NOL4: variants seen among roughly 807,000 people sequenced by gnomAD.
NOL4 encodes the protein cancer/testis antigen 125.
Under a neutral mutation model 75.9 loss-of-function variants are expected in NOL4, and 17 were observed. That is an observed-to-expected ratio of 0.22 (90% CI 0.15 to 0.34). NOL4 has a LOEUF of 0.34. Among genes scored for constraint, NOL4 ranks in the 10% least tolerant of loss-of-function variants. The pLI is 1.00. For missense variants in NOL4, 614 were observed against 793.5 expected, an observed-to-expected ratio of 0.77 and a Z score of 2.72; for synonymous variants, 292 against 289.9, an observed-to-expected ratio of 1.01 and a Z score of -0.07.
In NOL4 at chr18:34,067,596, A is replaced by G. The variant is rs187211127; in HGVS notation, c.772+25869T>C. On this transcript the variant is annotated intron_variant, in intron 5 of 10. Transcript: ENST00000261592. ...AGAAAAGTGTTCAGATTTTAGGTAC[A>G]TTATGAAGGCAGAAGGAACAAACAT... is the stretch of plus-strand genomic sequence containing the variant. 3.0e-3 allele frequency among the ~76,000 whole-genome samples: 461 copies of G among 152,306 alleles called. 3 individuals carry two copies. Among genetic ancestry groups the G allele is most frequent in the Non-Finnish European group, 3.9e-3 (266 of 68,014 alleles).
intron 5 of NOL4, among the ~76,000 whole-genome samples, chr18:34,030,173 CTATTA>C (rs1312461461): frequency 2.0e-5 from 3 of 152,016 alleles, no homozygotes; most frequent in African/African-American, 7.3e-5. Context: ...GGAGCAATGC[CTATTA>C]TATTTGATAT....
At chr18:33,860,227 G>A (rs1319214096) in intron 10 of NOL4, among the ~76,000 whole-genome samples, 1 of 152,008 alleles carries the variant, frequency 6.6e-6, no homozygotes, top group Non-Finnish European at 1.5e-5. Flanking sequence ...GGGGATAATG[G>A]GAATTACAAT....
At chr18:33,911,644 CT>C (rs1279141963) in intron 9 of NOL4, among the ~76,000 whole-genome samples, 2 of 151,938 alleles carry the variant, frequency 1.3e-5, no homozygotes, top group African/African-American at 4.8e-5. Flanking sequence ...TTATATTTTG[CT>C]TTAAAATTTC....
intron 1 of NOL4, among the ~76,000 whole-genome samples, chr18:34,209,070 G>A (rs547862926): frequency 6.6e-6 from 1 of 151,050 alleles, no homozygotes; most frequent in Non-Finnish European, 1.5e-5. Flanking sequence ...AATTAGCTGG[G>A]CGTGATGGTG....
At chr18:33,966,047 A>T (rs999072457) in intron 6 of NOL4, among the ~76,000 whole-genome samples, 1 of 152,136 alleles carries the variant, frequency 6.6e-6, no homozygotes, top group African/African-American at 2.4e-5. Context: ...TTGATTTTAT[A>T]TCCCCTCTGT....
intron 9 of NOL4, among the ~76,000 whole-genome samples, chr18:33,920,646 GGTCCAATCA>G (rs2066982985): frequency 6.6e-6 from 1 of 152,110 alleles, no homozygotes; most frequent in Non-Finnish European, 1.5e-5. Flanking sequence ...GTGATTTATG[GGTCCAATCA>G]ACCATTTTAG....
At chr18:34,177,506 T>C (rs1038235195) in intron 1 of NOL4, among the ~76,000 whole-genome samples, 6 of 151,946 alleles carry the variant, frequency 3.9e-5, no homozygotes, top group Admixed American at 2.6e-4. Flanking sequence ...TGGTTTAGCA[T>C]GAAAACTGAG....
At chr18:34,017,217 C>T (rs2074747593) in intron 6 of NOL4, among the ~76,000 whole-genome samples, 1 of 152,108 alleles carries the variant, frequency 6.6e-6, no homozygotes, top group South Asian at 2.1e-4. Flanking sequence ...TAAGTATTGT[C>T]TGTACTTGTT....
intron 9 of NOL4, among the ~76,000 whole-genome samples, chr18:33,924,280 C>G (rs111940530): frequency 2.0e-5 from 3 of 152,318 alleles, no homozygotes; most frequent in African/African-American, 7.2e-5. Context: ...GCAACAGTAG[C>G]CAAAGAACTA....
chr18:34,067,129 G>A (rs1249902294), intron 5 of NOL4, among the ~76,000 whole-genome samples: 1 of 152,250 alleles, frequency 6.6e-6, no homozygotes, highest in East Asian at 1.9e-4. Flanking sequence ...TAAAATGGAG[G>A]TGGTGTACAG....
intron 9 of NOL4, among the ~76,000 whole-genome samples, chr18:33,901,683 C>T (rs2065756314): frequency 1.3e-5 from 2 of 151,886 alleles, no homozygotes; most frequent in Non-Finnish European, 2.9e-5. Flanking sequence ...TTTCTTGCCT[C>T]CTAGGTTTTC....
At chr18:33,987,626 A>T (rs576308850) in intron 6 of NOL4, among the ~76,000 whole-genome samples, 1 of 152,278 alleles carries the variant, frequency 6.6e-6, no homozygotes, top group South Asian at 2.1e-4. Flanking sequence ...GCAGGAAAGT[A>T]TCAGTGTTCT....
intron 9 of NOL4, among the ~76,000 whole-genome samples, chr18:33,915,570 C>T (rs902908076): frequency 5.3e-5 from 8 of 151,882 alleles, no homozygotes; most frequent in African/African-American, 1.9e-4. Flanking sequence ...AATAAGGAGA[C>T]GGACTGCTCT....
intron 4 of NOL4, among the ~76,000 whole-genome samples, chr18:34,094,758 A>ACC (rs2078692878): frequency 6.6e-6 from 1 of 152,222 alleles, no homozygotes; most frequent in African/African-American, 2.4e-5. Context: ...TTTATGTTGC[A>ACC]CACGTTGTTC....
At chr18:33,925,670 T>G (rs1342864943) in intron 9 of NOL4, among the ~76,000 whole-genome samples, 2 of 152,220 alleles carry the variant, frequency 1.3e-5, no homozygotes, top group East Asian at 1.9e-4. Context: ...GCATTCTGAT[T>G]TTCATTTTTC....
chr18:33,991,365 C>T (rs1465637045), intron 6 of NOL4, among the ~76,000 whole-genome samples: 1 of 152,016 alleles, frequency 6.6e-6, no homozygotes, highest in Non-Finnish European at 1.5e-5. Flanking sequence ...TTGCACATTG[C>T]TTCAAAATAT....
intron 1 of NOL4, among the ~76,000 whole-genome samples, chr18:34,141,586 G>T (rs1033775129): frequency 6.6e-6 from 1 of 152,114 alleles, no homozygotes; most frequent in Admixed American, 6.6e-5. Context: ...AATGGGGAAA[G>T]GTTCCCTATT....
chr18:34,056,852 G>T (rs1256695865), intron 5 of NOL4, among the ~76,000 whole-genome samples: 1 of 152,108 alleles, frequency 6.6e-6, no homozygotes, highest in Non-Finnish European at 1.5e-5. Flanking sequence ...TGTCTTCAAG[G>T]GGGGAATTAG....
chr18:34,127,158 T>G (rs1233664298), intron 2 of NOL4, among the ~76,000 whole-genome samples: 1 of 151,918 alleles, frequency 6.6e-6, no homozygotes, highest in African/African-American at 2.4e-5. Flanking sequence ...CAGATTACAA[T>G]AAAGTTTAAG....
Sources: gnomAD v4.1 joint callset for allele counts (sites outside exome capture counted in the v4.1 genomes callset) on GRCh38, gnomAD v4.1.1 for gene constraint, MANE v1.5 for transcripts, NCBI Gene and HGNC (gene_info 2026-07-23, HGNC 2026-07-21) for gene names.